NEXMIF: variants seen among roughly 807,000 people sequenced by gnomAD.
NEXMIF encodes XLMR protein related to neurite extension.
A neutral mutation model predicts 62.1 loss-of-function variants in NEXMIF; 8 were observed. The ratio of observed to expected loss-of-function variants is 0.13; its 90% confidence interval spans 0.08 to 0.23. The LOEUF is 0.23. Ranked by LOEUF, NEXMIF falls within the 10% of genes least tolerant of loss-of-function variation. NEXMIF has a pLI of 1.00. For missense variants in NEXMIF, 976 were observed against 1,113.3 expected (o/e 0.88, Z 1.75); for synonymous variants, 404 against 416.6 (o/e 0.97, Z 0.37).
At chrX:74,794,284 G>C (rs1237183066) in intron 1 of NEXMIF, among the ~76,000 whole-genome samples, 32 of 107,151 alleles carry the variant, frequency 3.0e-4, no homozygotes, top group Non-Finnish European at 5.6e-4. Flanking sequence ...CAGTTAGGCT[G>C]CTCGGGGGTC....
chrX:74,769,105 T>TC (rs1645152404), intron 1 of NEXMIF, among the ~76,000 whole-genome samples: 1 of 110,740 alleles, frequency 9.0e-6, no homozygotes, highest in South Asian at 3.9e-4. Context: ...TTTTTTTTTT[T>TC]CTCAGCCAAA....
chrX:74,753,511 T>A (rs1469713033), intron 1 of NEXMIF, among the ~76,000 whole-genome samples: 1 of 112,135 alleles, frequency 8.9e-6, no homozygotes, highest in Admixed American at 9.5e-5. Flanking sequence ...ACTAACTTTT[T>A]GTTTGTCTTT....
At chrX:74,884,057 G>C (rs1056312078) in intron 1 of NEXMIF, among the ~76,000 whole-genome samples, 2 of 111,738 alleles carry the variant, frequency 1.8e-5, no homozygotes, top group Admixed American at 1.9e-4. Flanking sequence ...AGCTTCATAA[G>C]TGAAGGAGAA....
chrX:74,849,327 A>C (rs1179150990), intron 1 of NEXMIF, among the ~76,000 whole-genome samples: 2 of 112,783 alleles, frequency 1.8e-5, no homozygotes, highest in Non-Finnish European at 3.8e-5. Flanking sequence ...GTGGGAGCCC[A>C]GAGAGGCTCT....
intron 1 of NEXMIF, among the ~76,000 whole-genome samples, chrX:74,757,291 ACT>A: frequency 8.9e-6 from 1 of 111,975 alleles, no homozygotes; most frequent in Non-Finnish European, 1.9e-5. Context: ...ACTAGACAGC[ACT>A]GTTATTCTTG....
intron 1 of NEXMIF, among the ~76,000 whole-genome samples, chrX:74,842,597 C>T (rs947957062): frequency 1.8e-5 from 2 of 111,425 alleles, no homozygotes; most frequent in Non-Finnish European, 3.8e-5. Flanking sequence ...AACTTTTTGA[C>T]GTGGGCATTT....
intron 1 of NEXMIF, among the ~76,000 whole-genome samples, chrX:74,770,448 GTA>G (rs371069824): frequency 1.7e-3 from 195 of 112,112 alleles, no homozygotes; most frequent in African/African-American, 6.0e-3. Flanking sequence ...AAATAGATAT[GTA>G]TGTTTCTTTT....
At chrX:74,762,031 A>G (rs2080177993) in intron 1 of NEXMIF, among the ~76,000 whole-genome samples, 1 of 110,909 alleles carries the variant, frequency 9.0e-6, no homozygotes, top group Non-Finnish European at 1.9e-5. Context: ...TTTGTTACAT[A>G]TGTATACATG....
chrX:74,769,903 T>A, intron 1 of NEXMIF: 1 of 284,270 alleles, frequency 3.5e-6, no homozygotes, highest in East Asian at 5.5e-5. Context: ...TATCCCCTGT[T>A]GTTATATACA....
intron 1 of NEXMIF, among the ~76,000 whole-genome samples, chrX:74,800,326 T>C (rs2080325614): frequency 9.0e-6 from 1 of 111,641 alleles, no homozygotes; most frequent in Non-Finnish European, 1.9e-5. Context: ...CTGAAAATAA[T>C]GCCCTTGCGT....
At chrX:74,827,896 ATTT>A (rs1448824431) in intron 1 of NEXMIF, among the ~76,000 whole-genome samples, 1 of 112,185 alleles carries the variant, frequency 8.9e-6, no homozygotes, top group Non-Finnish European at 1.9e-5. Context: ...TTCCCAAGAT[ATTT>A]TTGTCTTGTT....
At chrX:74,760,719 G>A (rs1458828883) in intron 1 of NEXMIF, among the ~76,000 whole-genome samples, 2 of 111,164 alleles carry the variant, frequency 1.8e-5, no homozygotes, top group Non-Finnish European at 3.8e-5. Context: ...AACCTACCTT[G>A]CATCCCAGGG....
intron 1 of NEXMIF, among the ~76,000 whole-genome samples, chrX:74,876,853 C>T (rs1232184158): frequency 9.2e-6 from 1 of 108,278 alleles, no homozygotes; most frequent in African/African-American, 3.4e-5. Context: ...GGTAGATCTT[C>T]CTCCATCCTT....
At chrX:74,793,487 G>C (rs1324639522) in intron 1 of NEXMIF, among the ~76,000 whole-genome samples, 1 of 110,632 alleles carries the variant, frequency 9.0e-6, no homozygotes, top group African/African-American at 3.3e-5. Flanking sequence ...TATCTCTGGG[G>C]TGTTCTCTGT....
At chrX:74,854,650 G>A in intron 1 of NEXMIF, among the ~76,000 whole-genome samples, 1 of 111,739 alleles carries the variant, frequency 8.9e-6, no homozygotes, top group East Asian at 2.8e-4. Context: ...CACCTCTGCA[G>A]ACAACATGAT....
At chrX:74,895,396 A>G (rs1350044510) in intron 1 of NEXMIF, among the ~76,000 whole-genome samples, 2 of 112,272 alleles carry the variant, frequency 1.8e-5, no homozygotes, top group Non-Finnish European at 3.8e-5. Context: ...CAAACAATTT[A>G]CAGATTCAAT....
Position 74,737,140 on chromosome X carries a change from G to T in NEXMIF, c.*2265C>A, listed in dbSNP as rs1438161553. ...TTGCCACCTTTTCATTACATAGAAA[G>T]CACTCCACTCCTCTAAGCCAGCAGG... is the stretch of plus-strand genomic sequence containing the variant. On this transcript the variant is annotated 3_prime_UTR_variant, in exon 4 of 4. Coordinates refer to ENST00000055682, the MANE Select transcript of NEXMIF (RefSeq NM_001008537.3). 1 of 111,398 alleles carries T rather than the reference G, an allele frequency of 9.0e-6. No individual in the cohort carries two copies. The highest frequency in any genetic ancestry group is 1.9e-5 in the Non-Finnish European group (1 of 53,015). The allele number at this position is 111,398 out of a possible 1,213,427, so 9.2% of individuals were successfully genotyped here. A position where few individuals can be genotyped will look rare whatever the true frequency, so the allele number is the denominator to read the frequency against.
chrX:74,875,207 T>G (rs1164337238), intron 1 of NEXMIF, among the ~76,000 whole-genome samples: 1 of 110,503 alleles, frequency 9.0e-6, no homozygotes, highest in Non-Finnish European at 1.9e-5. Flanking sequence ...GCATGAAGGG[T>G]TGTTGAATTT....
At chrX:74,767,660 G>A (rs186911272) in intron 1 of NEXMIF, among the ~76,000 whole-genome samples, 43 of 111,860 alleles carry the variant, frequency 3.8e-4, no homozygotes, top group Admixed American at 2.8e-3. Context: ...GGAAAACCCC[G>A]GCAAGTGTGG....
Sources: allele counts gnomAD v4.1 joint callset (sites outside exome capture counted in the v4.1 genomes callset), GRCh38; gene constraint gnomAD v4.1.1; transcripts MANE v1.5; gene names NCBI Gene and HGNC (gene_info 2026-07-23, HGNC 2026-07-21).